Variants in MAX observed in about 807,000 individuals in gnomAD.
MAX encodes MYC associated transcriptional regulator X.
A neutral mutation model predicts 22.3 loss-of-function variants in MAX; 3 were observed. The observed-to-expected ratio is 0.13, with a 90% CI of 0.06 to 0.35. The LOEUF is 0.35. MAX is among the 10% of genes least tolerant of loss of function. The pLI, the probability that MAX is intolerant of heterozygous loss-of-function variation, is 1.00. For synonymous variants in MAX, 72 were observed against 77.7 expected (o/e 0.93, Z 0.39); for missense variants, 119 against 209.4 (o/e 0.57, Z 2.66).
At chr14:65,085,465 G>A (rs146858734) in intron 3 of MAX, among the ~76,000 whole-genome samples, 2 of 152,300 alleles carry the variant, frequency 1.3e-5, no homozygotes, top group South Asian at 2.1e-4. Context: ...CTCAAGATGC[G>A]AAAAATGTTA....
chr14:65,038,749 A>T (rs1479419421), intron 3 of MAX, among the ~76,000 whole-genome samples: 1 of 152,178 alleles, frequency 6.6e-6, no homozygotes, highest in Non-Finnish European at 1.5e-5. Flanking sequence ...AAAATATTTC[A>T]TTGCATGGTT....
At chr14:65,015,131 C>G (rs1275998996) in intron 3 of MAX, among the ~76,000 whole-genome samples, 9 of 147,528 alleles carry the variant, frequency 6.1e-5, no homozygotes, top group Non-Finnish European at 1.2e-4. Context: ...GAGACGGAGT[C>G]TTGCTCTGTC....
Position 65,062,171 on chromosome 14 carries a change from C to G in MAX, c.171+31537G>C, listed in dbSNP as rs2062876880. 1 of 152,448 alleles carries G rather than the reference C, an allele frequency of 6.6e-6. No individual in the cohort carries two copies. Among genetic ancestry groups the G allele is most frequent in the Non-Finnish European group, 1.5e-5 (1 of 68,194 alleles). The allele number at this position is 152,448 out of a possible 1,614,324, so 9.4% of individuals were successfully genotyped here. ...CCGAGGCCCTTCTGGGGGTTTCTAT[C>G]TTTCTTCCACCAGACTCCAAGCCCA... On this transcript the variant is annotated intron_variant, in intron 3 of 3. Transcript: ENST00000341653. This position sits in a 1 kb window ranked among gnomAD's most constrained non-coding sequence, Gnocchi z 4.3.
intron 3 of MAX, among the ~76,000 whole-genome samples, chr14:65,085,008 T>G (rs927973968): frequency 1.3e-5 from 2 of 152,168 alleles, no homozygotes; most frequent in Non-Finnish European, 2.9e-5. Context: ...TGGATTATAC[T>G]ATCTGATCTG....
At position 65,030,378 on chromosome 14, in the gene MAX, C is replaced by G. The variant is rs1167223792; in HGVS notation, c.172-24094G>C. On this transcript the variant is annotated intron_variant, in intron 3 of 3. Transcript: ENST00000341653. This position sits in a 1 kb window ranked among gnomAD's most constrained non-coding sequence, Gnocchi z 4.5. ...GCTGGTAGGATCATAATGCATGCAGCTTCTGCAGAGACTTCTTTGGAATAC... is the reference window on the plus strand; with the variant it reads ...GCTGGTAGGATCATAATGCATGCAGGTTCTGCAGAGACTTCTTTGGAATAC... Among the ~76,000 whole-genome samples the G allele has an allele frequency of 6.6e-6, 1 of 152,200 alleles. No individual in the cohort carries two copies. The highest frequency in any genetic ancestry group is 2.4e-5 in the African/African-American group (1 of 41,436).
chr14:65,015,676 G>A, intron 3 of MAX: 1 of 1,614,130 alleles, frequency 6.2e-7, no homozygotes, highest in Non-Finnish European at 8.5e-7. Flanking sequence ...GCACAGCTTG[G>A]AACTGCTAGA....
rs557366948 is a variant in MAX, at chr14:65,045,326, G to T, written c.172-39042C>A. Among the ~76,000 whole-genome samples, 14 of 152,194 alleles carry T rather than the reference G, an allele frequency of 9.2e-5. No individual in the cohort carries two copies. In the South Asian group the frequency reaches 1.7e-3, roughly 18 times the overall value. ...TGTTCTTCGGACTTAGTTGGATAAT[G>T]TAACTGCTCAAATGTAAAAGATGAG... On this transcript the variant is annotated intron_variant, in intron 3 of 3. Coordinates refer to the MAX transcript ENST00000341653.
Position 65,078,808 on chromosome 14 carries a change from G to T in MAX, c.172-772C>A, listed in dbSNP as rs555588715. 6.6e-6 allele frequency among the ~76,000 whole-genome samples: 1 copy of T among 152,318 alleles called. No homozygotes were observed. The highest frequency in any genetic ancestry group is 2.4e-5 in the African/African-American group (1 of 41,552). ...GCCTCCCAAACTGCTGGGATTACAG[G>T]CGTGAGCCACTGCATCCGTGAAGGC... is the stretch of plus-strand genomic sequence containing the variant. On this transcript the variant is annotated intron_variant, in intron 3 of 4. Coordinates refer to ENST00000358664, the MANE Select transcript of MAX (RefSeq NM_002382.5). The surrounding 1 kb of genome is among the most constrained non-coding windows in gnomAD (Gnocchi z 6.4).
chr14:65,081,424 T>A (rs2063196575), intron 3 of MAX, among the ~76,000 whole-genome samples: 2 of 152,128 alleles, frequency 1.3e-5, no homozygotes, highest in South Asian at 2.1e-4. Flanking sequence ...CCATACAAGA[T>A]CATGTGGCCA....
intron 2 of MAX, among the ~76,000 whole-genome samples, chr14:65,098,756 C>A (rs1566629584): frequency 1.3e-5 from 2 of 152,188 alleles, no homozygotes; most frequent in African/African-American, 4.8e-5. Context: ...ACAAAGCTTA[C>A]TGGCCATTGG....
rs2063396935 is a variant in MAX at position 65,088,296 on chromosome 14, T to C, written c.171+5412A>G. Among the ~76,000 whole-genome samples, 1 of 152,206 alleles carries C rather than the reference T, an allele frequency of 6.6e-6. No individual in the cohort carries two copies. The highest frequency in any genetic ancestry group is 2.1e-4 in the South Asian group (1 of 4,832). ...CATGGAATACCAGTCCTTACCTAAA[T>C]GGGCAATGAAAAGCCCTTGGAGGTT... On this transcript the variant is annotated intron_variant, in intron 3 of 4. Transcript: ENST00000358664. This position sits in a 1 kb window ranked among gnomAD's most constrained non-coding sequence, Gnocchi z 5.2.
intron 3 of MAX, chr14:65,040,826 A>C: frequency 6.2e-7 from 1 of 1,613,692 alleles, no homozygotes; most frequent in Non-Finnish European, 8.5e-7. Flanking sequence ...GCGGGGTACC[A>C]GGGATGGAAG....
At position 65,007,805 on chromosome 14, in the gene MAX, C is replaced by T. The variant is rs900975160; in HGVS notation, c.172-1521G>A. 7.9e-5 allele frequency among the ~76,000 whole-genome samples: 12 copies of T among 152,192 alleles called. No individual in the cohort carries two copies. Among genetic ancestry groups the T allele is most frequent in the Non-Finnish European group, 1.3e-4 (9 of 68,030 alleles). On this transcript the variant is annotated intron_variant, in intron 3 of 3. Coordinates refer to the MAX transcript ENST00000341653. The surrounding 1 kb of genome is among the most constrained non-coding windows in gnomAD (Gnocchi z 4.9). ...TAAGAAACCTGAAATGCATAAACTACACAGATACCTCGCTCACATGTAGTT... is the reference window on the plus strand; with the variant it reads ...TAAGAAACCTGAAATGCATAAACTATACAGATACCTCGCTCACATGTAGTT...
chr14:65,093,528 A>T lies in MAX; in HGVS notation c.171+180T>A, dbSNP rs2063574009. ...TCCATTATATCTGACATATTTTGTT[A>T]AGGATAAACTGGAGTACGTAAGGTG... On this transcript the variant is annotated intron_variant, in intron 3 of 4. Transcript: ENST00000358664. This position sits in a 1 kb window ranked among gnomAD's most constrained non-coding sequence, Gnocchi z 4.4. 1.6e-6 allele frequency: 1 copy of T among 624,792 alleles called. No homozygotes were observed. The highest frequency in any genetic ancestry group is 1.8e-5 in the African/African-American group (1 of 54,688). The allele number at this position is 624,792 out of a possible 1,614,324, so 38.7% of individuals were successfully genotyped here. A position where few individuals can be genotyped will look rare whatever the true frequency, so the allele number is the denominator to read the frequency against.
At chr14:65,040,659 C>A in intron 3 of MAX, 30 of 614,318 alleles carry the variant, frequency 4.9e-5, no homozygotes, top group Non-Finnish European at 5.2e-5. Context: ...TAGTTGGCAT[C>A]TTTTCATTCA....
In MAX at chr14:65,030,241, A is replaced by G. The variant is rs74755286; in HGVS notation, c.172-23957T>C. On this transcript the variant is annotated intron_variant, in intron 3 of 3. Coordinates refer to the MAX transcript ENST00000341653. The surrounding 1 kb of genome is among the most constrained non-coding windows in gnomAD (Gnocchi z 4.5). ...TGCAAGGAAATTAGACAGATCTTCA[A>G]AATTAGCTGCTGGTAGATGATCACA... Among the ~76,000 whole-genome samples, 2 of 152,206 alleles carry G rather than the reference A, an allele frequency of 1.3e-5. No homozygotes were observed. The highest frequency in any genetic ancestry group is 4.8e-5 in the African/African-American group (2 of 41,466).
rs2062055075 is a variant in MAX, at chr14:65,030,302, A to G, written c.172-24018T>C. Among the ~76,000 whole-genome samples, 1 of 152,160 alleles carries G rather than the reference A, an allele frequency of 6.6e-6. No homozygotes were observed. Among genetic ancestry groups the G allele is most frequent in the African/African-American group, 2.4e-5 (1 of 41,436 alleles). ...GCACTTGTGACTCTTGTGTGCTCCC[A>G]ATGCCTGCTGGTGGAACTAAACTTC... is the stretch of plus-strand genomic sequence containing the variant. On this transcript the variant is annotated intron_variant, in intron 3 of 3. Coordinates refer to the MAX transcript ENST00000341653. The surrounding 1 kb of genome is among the most constrained non-coding windows in gnomAD (Gnocchi z 4.5).
chr14:65,024,593 C>T (rs2061946981), intron 3 of MAX, among the ~76,000 whole-genome samples: 1 of 152,146 alleles, frequency 6.6e-6, no homozygotes, highest in African/African-American at 2.4e-5. Flanking sequence ...AATGAAATGC[C>T]TTGCTGACGT....
At chr14:65,096,005 T>C (rs929615261) in intron 2 of MAX, among the ~76,000 whole-genome samples, 6 of 152,164 alleles carry the variant, frequency 3.9e-5, no homozygotes, top group African/African-American at 1.4e-4. Flanking sequence ...AGGACTCAAA[T>C]GGACAAGTCT....
Sources: allele counts gnomAD v4.1 joint callset (sites outside exome capture counted in the v4.1 genomes callset), GRCh38; gene constraint gnomAD v4.1.1; non-coding constraint Gnocchi (gnomAD v3.1); transcripts MANE v1.5; gene names NCBI Gene and HGNC (gene_info 2026-07-23, HGNC 2026-07-21).